The following POMP variants were observed in gnomAD, a reference collection of about 807,000 sequenced individuals.
The protein encoded by POMP is proteasome maturation protein.
A neutral mutation model predicts 20.6 loss-of-function variants in POMP; 12 were observed. That is an observed-to-expected ratio of 0.58 (90% CI 0.37 to 0.94). POMP has a LOEUF of 0.94. POMP is among the 40% of genes least tolerant of loss of function. The pLI, the probability that POMP is intolerant of heterozygous loss-of-function variation, is 0.01. For synonymous variants in POMP, 53 were observed against 55.0 expected (o/e 0.96, Z 0.16); for missense variants, 136 against 161.1 (o/e 0.84, Z 0.84).
chr13:28,674,046 A>T, intron 5 of POMP, among the ~76,000 whole-genome samples: 1 of 152,240 alleles, frequency 6.6e-6, no homozygotes. Context: ...TCATTGACCT[A>T]GAAGTAGAAG....
chr13:28,662,281 G>A, intron 1 of POMP, 129 bp from the exon 2 acceptor site: 1 of 646,398 alleles, frequency 1.5e-6, no homozygotes, highest in Non-Finnish European at 2.7e-6. Flanking sequence ...TGCTGTAATT[G>A]TCTAGTCTGG....
rs1002000480 is a variant in POMP at position 28,673,135 on chromosome 13, A to G, written c.358+703A>G. On this transcript the variant is annotated intron_variant, in intron 5 of 5. Transcript: ENST00000380842. ...ACCCGGGCTGGAGTGCAGTGGCGCA[A>G]TCTCAGCTCACTGCAACTTCCGCCT... is the stretch of plus-strand genomic sequence containing the variant. Among the ~76,000 whole-genome samples, 20 of 150,868 alleles carry G rather than the reference A, an allele frequency of 1.3e-4. 1 individual carries two copies. Among genetic ancestry groups the G allele is most frequent in the Admixed American group, 1.3e-3 (19 of 15,140 alleles).
chr13:28,664,693 A>G (rs900382629), intron 3 of POMP, 124 bp downstream of exon 3: 37 of 635,134 alleles, frequency 5.8e-5, no homozygotes, highest in Non-Finnish European at 8.5e-5. Context: ...ATGAGGCGTT[A>G]TTTTCAAACC....
intron 5 of POMP, among the ~76,000 whole-genome samples, chr13:28,672,652 T>A (rs914630811): frequency 3.3e-5 from 5 of 152,176 alleles, no homozygotes; most frequent in African/African-American, 1.2e-4. Flanking sequence ...ATCCCAGCAC[T>A]TTGGGAGGCC....
rs781422074 is a variant in POMP at position 28,672,438 on chromosome 13, T to G, written c.358+6T>G. ...ATTTGAGGATATTCTTAATGGTAAG[T>G]GTCATTCAGCACCTTTTTATGGAGC... On this transcript the variant is annotated splice_donor_region_variant and intron_variant, in intron 5 of 5. Transcript: ENST00000380842. 3.2e-6 allele frequency: 5 copies of G among 1,570,590 alleles called. No homozygotes were observed. The highest frequency in any genetic ancestry group is 3.3e-4 in the Middle Eastern group (2 of 5,974).
At position 28,668,587 on chromosome 13, in the gene POMP, ATC is replaced by A; in HGVS notation, c.264+17_264+18del. On this transcript the variant is annotated intron_variant, in intron 4 of 5. Transcript: ENST00000380842. The stretch of plus-strand genomic sequence containing the variant: ...GGCAGTGCAGCAGGTGAGTTGATGG[ATC>A]TCTGTTGCATATGTGTCGATATCAT... 1 of 1,549,326 alleles carries A rather than the reference ATC, an allele frequency of 6.5e-7. No homozygotes were observed. Among genetic ancestry groups the A allele is most frequent in the South Asian group, 1.1e-5 (1 of 89,680 alleles).
intron 3 of POMP, among the ~76,000 whole-genome samples, chr13:28,667,761 A>C (rs775866576): frequency 6.6e-5 from 10 of 152,332 alleles, no homozygotes; most frequent in Non-Finnish European, 8.8e-5. Context: ...GTCTGTTTGC[A>C]TATTACATTC....
At chr13:28,668,383 T>C (rs771830188) in intron 3 of POMP, 90 bp from the exon 4 acceptor site, 13 of 899,898 alleles carry the variant, frequency 1.4e-5, no homozygotes, top group Non-Finnish European at 2.3e-5. Flanking sequence ...AAATTCTTCA[T>C]CTAACTATTG....
intron 3 of POMP, 98 bp from the exon 4 acceptor site, chr13:28,668,375 A>C (rs1884483020): frequency 1.2e-6 from 1 of 863,038 alleles, no homozygotes; most frequent in South Asian, 1.4e-5. Flanking sequence ...GGATATTAAA[A>C]TTCTTCATCT....
intron 1 of POMP, among the ~76,000 whole-genome samples, chr13:28,661,219 T>TG (rs1231402390): frequency 6.6e-6 from 1 of 152,082 alleles, no homozygotes; most frequent in Non-Finnish European, 1.5e-5. Context: ...TTCCAGCACT[T>TG]TGGGGGGTGC....
chr13:28,662,407 T>C lies in POMP; in HGVS notation c.4-3T>C. 1 of 1,607,796 alleles carries C rather than the reference T, an allele frequency of 6.2e-7. No individual in the cohort carries two copies. ...TTAATAATGTTTTTTATTTGTGTTG[T>C]AGAATGCCAGAGGACTTGGATCTGA... On this transcript the variant is annotated splice_polypyrimidine_tract_variant and splice_region_variant and intron_variant, in intron 1 of 5. Coordinates refer to ENST00000380842, the MANE Select transcript of POMP (RefSeq NM_015932.6).
At chr13:28,665,770 G>A (rs1350794803) in intron 3 of POMP, among the ~76,000 whole-genome samples, 2 of 152,168 alleles carry the variant, frequency 1.3e-5, no homozygotes, top group African/African-American at 2.4e-5. Context: ...GTTGCCAAAT[G>A]GGTCAGTCAA....
chr13:28,671,614 T>TA (rs1884546702), intron 4 of POMP, among the ~76,000 whole-genome samples: 4 of 152,018 alleles, frequency 2.6e-5, no homozygotes, highest in African/African-American at 9.7e-5. Context: ...TATTTTTGTT[T>TA]CTTCCTCTTC....
rs759923011 is a variant in POMP, at chr13:28,659,181, G to A, written c.-4G>A. 3.1e-6 allele frequency: 5 copies of A among 1,589,030 alleles called. No homozygotes were observed. In the African/African-American group the frequency reaches 5.4e-5, roughly 17 times the overall value. On this transcript the variant is annotated 5_prime_UTR_variant, in exon 1 of 6. Transcript: ENST00000380842. ...CAGAGAGGCTGTTCGCAGAGCTGCG[G>A]AAGATGGTGAGTGGGTACCCGGGCG...
At chr13:28,667,971 CT>C (rs1193944679) in intron 3 of POMP, among the ~76,000 whole-genome samples, 14 of 152,114 alleles carry the variant, frequency 9.2e-5, no homozygotes, top group African/African-American at 3.4e-4. Flanking sequence ...TGTTTTTCCC[CT>C]GAGGCAAGTA....
chr13:28,672,423 A>G lies in POMP; in HGVS notation c.349A>G (p.Ile117Val). 1.9e-6 allele frequency: 3 copies of G among 1,591,778 alleles called. No homozygotes were observed. The highest frequency in any genetic ancestry group is 2.6e-6 in the Non-Finnish European group (3 of 1,159,756). The change falls in exon 5 of 6, where the codon ATT becomes GTT. Residue 117 changes from isoleucine (I) to valine (V), a missense_variant. By Grantham distance (29) the Ile-to-Val change is conservative (BLOSUM62 3). Transcript: ENST00000380842. ...TGATGAGACTATTGGATTTGAGGAT[A>G]TTCTTAATGGTAAGTGTCATTCAGC... ...GNDETIGFEDILNDPSQSEVM... is the reference protein window; with the variant it reads ...GNDETIGFEDVLNDPSQSEVM...
intron 3 of POMP, among the ~76,000 whole-genome samples, chr13:28,667,630 A>G (rs1257652950): frequency 1.3e-5 from 2 of 152,212 alleles, no homozygotes; most frequent in Non-Finnish European, 2.9e-5. Context: ...TTTTGTTCAA[A>G]ATGACCTTTT....
chr13:28,674,385 T>C (rs1034334413), intron 5 of POMP, among the ~76,000 whole-genome samples: 1 of 152,262 alleles, frequency 6.6e-6, no homozygotes, highest in Admixed American at 6.5e-5. Flanking sequence ...CTCAGCCTTA[T>C]AACTGGCAGT....
At chr13:28,675,533 T>C (rs1032426815) in intron 5 of POMP, among the ~76,000 whole-genome samples, 1 of 152,212 alleles carries the variant, frequency 6.6e-6, no homozygotes. Flanking sequence ...TTGCATAATA[T>C]ACGGTTAACT....
Sources: allele counts gnomAD v4.1 joint callset (sites outside exome capture counted in the v4.1 genomes callset), GRCh38; gene constraint gnomAD v4.1.1; transcripts MANE v1.5; gene names NCBI Gene and HGNC (gene_info 2026-07-23, HGNC 2026-07-21).